Variants in PTCHD4 observed in about 807,000 individuals in gnomAD.
PTCHD4 encodes the protein patched domain containing 4.
A neutral mutation model predicts 58.1 loss-of-function variants in PTCHD4; 33 were observed. The observed-to-expected ratio is 0.57, with a 90% CI of 0.43 to 0.76. PTCHD4 has a LOEUF of 0.76. Ranked by LOEUF, PTCHD4 falls within the 30% of genes least tolerant of loss-of-function variation. PTCHD4 has a pLI of 0.00. For missense variants in PTCHD4, 1,058 were observed against 1,027.1 expected (o/e 1.03, Z -0.41); for synonymous variants, 478 against 409.6 (o/e 1.17, Z -2.02).
At chr6:47,886,051 C>T (rs1764181856) in intron 4 of PTCHD4, among the ~76,000 whole-genome samples, 1 of 151,528 alleles carries the variant, frequency 6.6e-6, no homozygotes, top group African/African-American at 2.4e-5. Flanking sequence ...CTCCCGACCT[C>T]AAGTAATCTG....
chr6:47,998,715 T>C (rs1420695244), intron 4 of PTCHD4, among the ~76,000 whole-genome samples: 1 of 152,134 alleles, frequency 6.6e-6, no homozygotes, highest in African/African-American at 2.4e-5. Context: ...CACCTCTTAC[T>C]TCTCATGCCA....
chr6:47,903,891 G>T (rs1156864537), intron 4 of PTCHD4, among the ~76,000 whole-genome samples: 1 of 152,204 alleles, frequency 6.6e-6, no homozygotes, highest in Non-Finnish European at 1.5e-5. Context: ...GCCAAGAAAG[G>T]TCTCACCATG....
intron 4 of PTCHD4, among the ~76,000 whole-genome samples, chr6:47,884,209 CA>C (rs1764111256): frequency 6.6e-6 from 1 of 152,008 alleles, no homozygotes; most frequent in Admixed American, 6.6e-5. Flanking sequence ...TGCTACCAAC[CA>C]AAAATTAGAA....
At chr6:48,071,693 AT>A (rs1212982392) in intron 1 of PTCHD4, among the ~76,000 whole-genome samples, 1 of 152,072 alleles carries the variant, frequency 6.6e-6, no homozygotes, top group Non-Finnish European at 1.5e-5. Context: ...TTCATACTTT[AT>A]TTACTTTTCC....
intron 1 of PTCHD4, among the ~76,000 whole-genome samples, chr6:48,072,995 T>C (rs1455402802): frequency 6.6e-6 from 1 of 152,198 alleles, no homozygotes; most frequent in Admixed American, 6.5e-5. Context: ...AGGGATTCAT[T>C]AGAAAGATAA....
chr6:48,065,613 GGAGAGCC>G (rs1764767524), intron 3 of PTCHD4, among the ~76,000 whole-genome samples: 1 of 152,126 alleles, frequency 6.6e-6, no homozygotes, highest in Non-Finnish European at 1.5e-5. Context: ...GGGAGCCCCT[GGAGAGCC>G]TTTGACAAGA....
chr6:47,916,946 G>A (rs551679734), intron 4 of PTCHD4, among the ~76,000 whole-genome samples: 1 of 134,426 alleles, frequency 7.4e-6, no homozygotes, highest in Admixed American at 8.4e-5. Context: ...AAATTCCCTG[G>A]TTTAATAAAG....
At chr6:48,075,003 A>T (rs1765037291) in intron 1 of PTCHD4, among the ~76,000 whole-genome samples, 1 of 152,122 alleles carries the variant, frequency 6.6e-6, no homozygotes, top group Non-Finnish European at 1.5e-5. Flanking sequence ...TTTAAATAGA[A>T]TATAAGCATA....
intron 3 of PTCHD4, among the ~76,000 whole-genome samples, chr6:48,012,426 A>T (rs987683849): frequency 1.3e-5 from 2 of 152,000 alleles, no homozygotes; most frequent in Non-Finnish European, 2.9e-5. Flanking sequence ...TTGATTTTGT[A>T]TCCTGAGACT....
At chr6:47,903,498 A>G (rs1055340313) in intron 4 of PTCHD4, among the ~76,000 whole-genome samples, 15 of 152,174 alleles carry the variant, frequency 9.9e-5, no homozygotes, top group African/African-American at 3.6e-4. Flanking sequence ...TATTTTTTGT[A>G]GAGATGGAAT....
At chr6:48,022,903 T>C (rs1763115298) in intron 3 of PTCHD4, among the ~76,000 whole-genome samples, 1 of 152,120 alleles carries the variant, frequency 6.6e-6, no homozygotes, top group Non-Finnish European at 1.5e-5. Flanking sequence ...TCTTTGTTTT[T>C]AATTTCTTGA....
At chr6:48,032,138 A>G (rs1262949552) in intron 3 of PTCHD4, among the ~76,000 whole-genome samples, 1 of 152,012 alleles carries the variant, frequency 6.6e-6, no homozygotes, top group Non-Finnish European at 1.5e-5. Context: ...TTTATCTCAG[A>G]TATTAAAAAC....
rs568476017 is a variant in PTCHD4, at chr6:47,998,108, G to C, written c.898+10526C>G. On this transcript the variant is annotated intron_variant, in intron 4 of 4. Transcript: ENST00000339488. ...CCCATTCTGGTTGGCAATTGCAGCT[G>C]TCCTGCACCAGGAATGTTTTTTTTT... 5.3e-5 allele frequency among the ~76,000 whole-genome samples: 8 copies of C among 152,240 alleles called. 1 individual carries two copies. In the South Asian group the frequency reaches 1.7e-3, roughly 32 times the overall value.
chr6:48,029,843 A>G (rs1412654139), intron 3 of PTCHD4, among the ~76,000 whole-genome samples: 1 of 152,120 alleles, frequency 6.6e-6, no homozygotes, highest in Admixed American at 6.6e-5. Context: ...GAGTTTTAAG[A>G]AACTAAGGTT....
chr6:48,034,011 T>C (rs1401687918), intron 3 of PTCHD4, among the ~76,000 whole-genome samples: 4 of 152,114 alleles, frequency 2.6e-5, no homozygotes, highest in Non-Finnish European at 5.9e-5. Flanking sequence ...AGCAACAATC[T>C]GTTACCTTGG....
intron 4 of PTCHD4, among the ~76,000 whole-genome samples, chr6:47,884,481 G>T (rs1764121251): frequency 6.6e-6 from 1 of 152,126 alleles, no homozygotes; most frequent in Non-Finnish European, 1.5e-5. Flanking sequence ...ACCTCAAACT[G>T]ATGCACCAGT....
chr6:48,007,164 T>C (rs1279022993), intron 4 of PTCHD4, among the ~76,000 whole-genome samples: 2 of 152,034 alleles, frequency 1.3e-5, no homozygotes, highest in Non-Finnish European at 2.9e-5. Flanking sequence ...CATTTGAACC[T>C]GAGCAAGAGA....
chr6:47,964,202 G>A (rs1767202013), intron 4 of PTCHD4, among the ~76,000 whole-genome samples: 1 of 152,206 alleles, frequency 6.6e-6, no homozygotes, highest in Admixed American at 6.5e-5. Flanking sequence ...GTTCAGCTAA[G>A]CAAGATGAAT....
At chr6:47,895,295 A>G (rs1316202881) in intron 4 of PTCHD4, among the ~76,000 whole-genome samples, 3 of 152,230 alleles carry the variant, frequency 2.0e-5, no homozygotes, top group Admixed American at 2.0e-4. Flanking sequence ...CTAAACCTAT[A>G]TAAAAACTCT....
Sources: gnomAD v4.1 joint callset for allele counts (sites outside exome capture counted in the v4.1 genomes callset) on GRCh38, gnomAD v4.1.1 for gene constraint, MANE v1.5 for transcripts, NCBI Gene and HGNC (gene_info 2026-07-23, HGNC 2026-07-21) for gene names.